The following HFM1 variants were observed in gnomAD, a reference collection of about 807,000 sequenced individuals.
HFM1 encodes the protein helicase for meiosis 1.
A neutral mutation model predicts 192.1 loss-of-function variants in HFM1; 169 were observed. The observed-to-expected ratio is 0.88, with a 90% confidence interval of 0.78 to 1.00. The LOEUF is 1.00. Among genes scored for constraint, HFM1 ranks in the 50% least tolerant of loss-of-function variants. HFM1 has a pLI of 0.00. For missense variants in HFM1, 1,661 were observed against 1,668.0 expected (o/e 1.00, Z 0.07); for synonymous variants, 525 against 537.8 (o/e 0.98, Z 0.33).
At chr1:91,326,321 T>G (rs1557854509) in intron 20 of HFM1, among the ~76,000 whole-genome samples, 1 of 151,920 alleles carries the variant, frequency 6.6e-6, no homozygotes, top group South Asian at 2.1e-4. Flanking sequence ...TATTTAATAA[T>G]CAAACTCCCA....
chr1:91,327,249 G>T (rs1653055160), intron 20 of HFM1, among the ~76,000 whole-genome samples: 1 of 152,162 alleles, frequency 6.6e-6, no homozygotes, highest in Non-Finnish European at 1.5e-5. Flanking sequence ...GGCACAATGG[G>T]TCATGCCTAT....
intron 20 of HFM1, among the ~76,000 whole-genome samples, chr1:91,338,471 C>T (rs1181150364): frequency 6.6e-6 from 1 of 152,198 alleles, no homozygotes; most frequent in Non-Finnish European, 1.5e-5. Flanking sequence ...CTCAGTTGCC[C>T]AACTGGGGCA....
chr1:91,392,773 C>CA (rs201286618), intron 4 of HFM1, among the ~76,000 whole-genome samples: 7 of 150,352 alleles, frequency 4.7e-5, no homozygotes, highest in African/African-American at 1.2e-4. Context: ...TATTCACCTC[C>CA]AAAAAAAAAT....
At chr1:91,344,075 A>T (rs72726302) in intron 19 of HFM1, among the ~76,000 whole-genome samples, 3 of 152,188 alleles carry the variant, frequency 2.0e-5, no homozygotes, top group African/African-American at 7.2e-5. Context: ...ACTTTCTTGA[A>T]GCAAAAACTT....
At chr1:91,296,239 A>G (rs1473616769) in intron 30 of HFM1, among the ~76,000 whole-genome samples, 3 of 152,124 alleles carry the variant, frequency 2.0e-5, no homozygotes, top group African/African-American at 7.2e-5. Flanking sequence ...TTTTTTCCAT[A>G]TGGACATCCA....
chr1:91,375,770 A>G lies in HFM1; in HGVS notation c.1396-43T>C, dbSNP rs772418930. 10 of 1,565,004 alleles carry G rather than the reference A, an allele frequency of 6.4e-6. 1 individual carries two copies. The Admixed American group carries it at 6.8e-5, about 11-fold the overall frequency. ...ATGTGCATTAAAATTTTCTTCTAGT[A>G]AAGTTTTATTGCTAAAAACAACCCA... On this transcript the variant is annotated intron_variant, in intron 11 of 38. Coordinates refer to ENST00000370425, the MANE Select transcript of HFM1 (RefSeq NM_001017975.6).
chr1:91,269,395 A>C (rs908240779), intron 34 of HFM1, among the ~76,000 whole-genome samples: 10 of 148,662 alleles, frequency 6.7e-5, no homozygotes, highest in Non-Finnish European at 1.2e-4. Context: ...ATAATGGCTG[A>C]AAGATTCTTG....
chr1:91,402,430 CTCTA>C (rs1236726974), intron 1 of HFM1, among the ~76,000 whole-genome samples: 10 of 152,066 alleles, frequency 6.6e-5, no homozygotes, highest in East Asian at 1.9e-4. Flanking sequence ...CTTCATTTTT[CTCTA>C]TCTATTAATC....
intron 20 of HFM1, chr1:91,329,190 G>A: frequency 6.2e-7 from 1 of 1,609,844 alleles, no homozygotes; most frequent in African/African-American, 1.3e-5. Context: ...CCCTTTGCCA[G>A]AAAATCGGCT....
At position 91,385,766 on chromosome 1, in the gene HFM1, A is replaced by G. The variant is rs1662125260; in HGVS notation, c.563T>C (p.Ile188Thr). The change falls in exon 5 of 39, where the codon ATT (isoleucine) becomes ACT (threonine). Residue 188 changes from isoleucine to threonine, a missense_variant. Ile to Thr is a moderately conservative substitution (Grantham distance 89, BLOSUM62 -1). Coordinates refer to ENST00000370425, the MANE Select transcript of HFM1 (RefSeq NM_001017975.6). Reference sequence around the variant, plus strand: ...TGTTTGTACAATTTTCACTGAGCCAATGTGAGAGTCCAATTCATTGTCATT... The same window carrying G: ...TGTTTGTACAATTTTCACTGAGCCAGTGTGAGAGTCCAATTCATTGTCATT... ...YSNDNELDSH[I>T]GSVKIVQTEM... The G allele has an allele frequency of 6.2e-7, 1 of 1,608,386 alleles. No homozygotes were observed.
At chr1:91,321,023 G>A (rs1033674573) in intron 23 of HFM1, among the ~76,000 whole-genome samples, 7 of 152,182 alleles carry the variant, frequency 4.6e-5, no homozygotes, top group Non-Finnish European at 1.0e-4. Context: ...CCAGGGCTTC[G>A]TATGGTGGCT....
chr1:91,357,401 A>G (rs749491505), intron 13 of HFM1, among the ~76,000 whole-genome samples: 6 of 152,234 alleles, frequency 3.9e-5, no homozygotes, highest in Admixed American at 6.5e-5. Flanking sequence ...CAAGTTCAAC[A>G]TCCTTTCTTG....
At position 91,273,752 on chromosome 1, in the gene HFM1, A is replaced by G. The variant is rs768706788; in HGVS notation, c.3732T>C (p.Tyr1244=). ...IMEQWDQPEI[Y]GKVRQEPSEY... The stretch of plus-strand genomic sequence containing the variant: ...CAGATGGTTCTTGTCTAACTTTTCC[A>G]TAGATTTCAGGCTGATCCCACTGCT... The change falls in exon 34 of 39, where the codon TAT becomes TAC. Residue 1244 remains tyrosine (Y), a synonymous_variant. Coordinates refer to ENST00000370425, the MANE Select transcript of HFM1 (RefSeq NM_001017975.6). 1 of 1,602,442 alleles carries G rather than the reference A, an allele frequency of 6.2e-7. No homozygotes were observed. Among genetic ancestry groups the G allele is most frequent in the East Asian group, 2.2e-5 (1 of 44,698 alleles).
intron 13 of HFM1, among the ~76,000 whole-genome samples, chr1:91,371,940 C>A (rs2101930360): frequency 6.6e-6 from 1 of 152,296 alleles, no homozygotes; most frequent in Non-Finnish European, 1.5e-5. Context: ...TATGAACAGA[C>A]ACTTCTCAAA....
At chr1:91,338,160 A>G in intron 20 of HFM1, among the ~76,000 whole-genome samples, 1 of 151,846 alleles carries the variant, frequency 6.6e-6, no homozygotes, top group East Asian at 1.9e-4. Context: ...AGACCTCATG[A>G]CCCCCACAGA....
At chr1:91,367,439 G>A (rs868386343) in intron 13 of HFM1, among the ~76,000 whole-genome samples, 4 of 152,100 alleles carry the variant, frequency 2.6e-5, no homozygotes, top group Admixed American at 6.6e-5. Context: ...CAGCATTTGC[G>A]GTTCACCAAT....
chr1:91,312,509 T>C (rs1650617188), intron 30 of HFM1, among the ~76,000 whole-genome samples: 1 of 152,164 alleles, frequency 6.6e-6, no homozygotes, highest in Admixed American at 6.5e-5. Context: ...CTGTAAGCCC[T>C]TTGTTTTGGC....
In HFM1 at chr1:91,305,134, G is replaced by A. The variant is rs577742789; in HGVS notation, c.3391+8215C>T. 2.0e-5 allele frequency among the ~76,000 whole-genome samples: 3 copies of A among 152,120 alleles called. No individual in the cohort carries two copies. The East Asian group carries it at 5.8e-4, about 29-fold the overall frequency. Reference sequence around the variant, plus strand: ...TACCTTCCTTCTTTTTCTTTTCAAGGTTGGCTTAGCTATTCTGGGTCCCTT... The same window carrying A: ...TACCTTCCTTCTTTTTCTTTTCAAGATTGGCTTAGCTATTCTGGGTCCCTT... On this transcript the variant is annotated intron_variant, in intron 30 of 38. Coordinates refer to ENST00000370425, the MANE Select transcript of HFM1 (RefSeq NM_001017975.6).
chr1:91,354,010 C>A (rs1336855100), intron 13 of HFM1, among the ~76,000 whole-genome samples: 2 of 147,948 alleles, frequency 1.4e-5, no homozygotes, highest in Admixed American at 1.3e-4. Context: ...TTCCAAAAAA[C>A]AGAAATTTGT....
Sources: allele counts gnomAD v4.1 joint callset (sites outside exome capture counted in the v4.1 genomes callset), GRCh38; gene constraint gnomAD v4.1.1; transcripts MANE v1.5; gene names NCBI Gene and HGNC (gene_info 2026-07-23, HGNC 2026-07-21).